TFPI: variants seen among roughly 807,000 people sequenced by gnomAD.
TFPI encodes the protein anti-convertin.
TFPI carries 15 observed loss-of-function variants against 34.6 expected under a neutral mutation model. That is an observed-to-expected ratio of 0.43 (90% CI 0.29 to 0.67). The LOEUF is 0.67. Ranked by LOEUF, TFPI falls within the 30% of genes least tolerant of loss-of-function variation. The pLI is 0.15. For missense variants in TFPI, 301 were observed against 364.0 expected (o/e 0.83, Z 1.41); for synonymous variants, 105 against 120.1 (o/e 0.87, Z 0.82).
At chr2:187,548,011 C>A (rs1217691148) in intron 1 of TFPI, among the ~76,000 whole-genome samples, 1 of 151,938 alleles carries the variant, frequency 6.6e-6, no homozygotes, top group African/African-American at 2.4e-5. Flanking sequence ...TCACATGGTA[C>A]ACTTTTCATA....
intron 1 of TFPI, among the ~76,000 whole-genome samples, chr2:187,541,515 C>T (rs1688581852): frequency 6.6e-6 from 1 of 152,118 alleles, no homozygotes; most frequent in African/African-American, 2.4e-5. Context: ...TCCAGTGGAA[C>T]TATGAAATAA....
chr2:187,552,443 AC>A (rs1446847241), intron 1 of TFPI, among the ~76,000 whole-genome samples: 8 of 152,258 alleles, frequency 5.3e-5, no homozygotes, highest in African/African-American at 1.7e-4. Flanking sequence ...AGAGTTTATT[AC>A]AAAATATGTT....
intron 6 of TFPI, among the ~76,000 whole-genome samples, chr2:187,473,763 A>G (rs1017829025): frequency 6.6e-6 from 1 of 151,712 alleles, no homozygotes; most frequent in Non-Finnish European, 1.5e-5. Context: ...TAAAGAAAAA[A>G]AAAACGGGGA....
intron 6 of TFPI, among the ~76,000 whole-genome samples, chr2:187,476,309 G>A (rs1692374094): frequency 6.6e-6 from 1 of 152,054 alleles, no homozygotes; most frequent in African/African-American, 2.4e-5. Flanking sequence ...TGTGTCCCTA[G>A]AAGAGGCAGA....
In TFPI at chr2:187,488,400, A is replaced by T. The variant is rs773555957; in HGVS notation, c.320-25T>A. Reference sequence around the variant, plus strand: ...TCTGTAATCAAAAGAATATATGCATATCAATTGTCACAATTTATAAAGTAA... The same window carrying T: ...TCTGTAATCAAAAGAATATATGCATTTCAATTGTCACAATTTATAAAGTAA... On this transcript the variant is annotated intron_variant, in intron 3 of 7. Transcript: ENST00000233156. The T allele has an allele frequency of 7.8e-6, 11 of 1,409,750 alleles. No homozygotes were observed. The South Asian group carries it at 1.6e-4, about 20-fold the overall frequency. The allele number at this position is 1,409,750 out of a possible 1,614,324, so 87.3% of individuals were successfully genotyped here.
chr2:187,514,433 A>T (rs1176229073), intron 1 of TFPI: 1 of 152,040 alleles, frequency 6.6e-6, no homozygotes, highest in African/African-American at 2.4e-5. Context: ...CTATATCCGG[A>T]AGTCGAGCAC....
intron 6 of TFPI, 92 bp from the exon 7 acceptor site, chr2:187,468,024 A>T (rs976238777): frequency 6.5e-6 from 7 of 1,084,638 alleles, no homozygotes; most frequent in Non-Finnish European, 8.7e-6. Context: ...ATGTTGTTGC[A>T]TGTGTATGTA....
At chr2:187,533,751 G>C (rs1316328619) in intron 1 of TFPI, among the ~76,000 whole-genome samples, 1 of 152,134 alleles carries the variant, frequency 6.6e-6, no homozygotes, top group African/African-American at 2.4e-5. Context: ...CAGAAGGTGG[G>C]TAATAACAAA....
chr2:187,484,475 G>A (rs1693112261), intron 5 of TFPI: 1 of 498,432 alleles, frequency 2.0e-6, no homozygotes, highest in African/African-American at 2.0e-5. Context: ...ATAAAACTGA[G>A]TGACTTTAGG....
intron 1 of TFPI, among the ~76,000 whole-genome samples, chr2:187,550,477 A>G (rs1689057867): frequency 6.6e-6 from 1 of 152,140 alleles, no homozygotes; most frequent in African/African-American, 2.4e-5. Flanking sequence ...ACTACATCCC[A>G]GAAGAGAGCT....
chr2:187,543,309 C>T (rs1688679236), intron 1 of TFPI, among the ~76,000 whole-genome samples: 1 of 152,180 alleles, frequency 6.6e-6, no homozygotes, highest in Admixed American at 6.5e-5. Context: ...GCACATCCAT[C>T]TACCGAATTT....
intron 6 of TFPI, among the ~76,000 whole-genome samples, chr2:187,483,459 A>G (rs1487177269): frequency 6.6e-6 from 1 of 151,924 alleles, no homozygotes; most frequent in East Asian, 1.9e-4. Context: ...TACACTGGTA[A>G]TTTTTAGCTG....
intron 3 of TFPI, among the ~76,000 whole-genome samples, chr2:187,489,953 A>G (rs1052881270): frequency 6.6e-6 from 1 of 151,600 alleles, no homozygotes; most frequent in African/African-American, 2.4e-5. Context: ...GCATTTATCA[A>G]TGCTTTTTAA....
rs1691737550 is a variant in TFPI at position 187,466,806 on chromosome 2, A to G, written c.*130T>C. On this transcript the variant is annotated 3_prime_UTR_variant, in exon 8 of 8. Transcript: ENST00000233156. Reference sequence around the variant, plus strand: ...ACTCTGATACAAACGTGTTGATAACAAGTACAATAAGCATAGAAAATTTAA... The same window carrying G: ...ACTCTGATACAAACGTGTTGATAACGAGTACAATAAGCATAGAAAATTTAA... 6.0e-6 allele frequency: 3 copies of G among 498,846 alleles called. No homozygotes were observed. The highest frequency in any genetic ancestry group is 8.4e-5 in the Admixed American group (2 of 23,842). The allele number at this position is 498,846 out of a possible 1,614,324, so 30.9% of individuals were successfully genotyped here.
intron 6 of TFPI, among the ~76,000 whole-genome samples, chr2:187,481,927 C>T (rs774373474): frequency 1.3e-5 from 2 of 151,792 alleles, no homozygotes; most frequent in Non-Finnish European, 1.5e-5. Context: ...TAATAATTTA[C>T]TTTTACAAGC....
At chr2:187,478,910 A>G (rs577356943) in intron 6 of TFPI, 1 of 840,058 alleles carries the variant, frequency 1.2e-6, no homozygotes, top group African/African-American at 1.7e-5. Flanking sequence ...ATAGTACATT[A>G]TGTTTTTCTT....
chr2:187,493,031 G>A (rs1431756403), intron 3 of TFPI, among the ~76,000 whole-genome samples: 1 of 152,088 alleles, frequency 6.6e-6, no homozygotes, highest in Non-Finnish European at 1.5e-5. Flanking sequence ...ACTAGGCAGT[G>A]CCCCAGTAGG....
intron 1 of TFPI, chr2:187,529,220 A>G (rs1484844356): frequency 1.3e-5 from 2 of 152,220 alleles, no homozygotes; most frequent in African/African-American, 2.4e-5. Context: ...CAAACAGCCA[A>G]TAAGTCTTAG....
At chr2:187,513,636 GA>G (rs1559135112) in intron 1 of TFPI, 1 of 152,624 alleles carries the variant, frequency 6.6e-6, no homozygotes, top group Non-Finnish European at 1.5e-5. Context: ...TAACCGCTGA[GA>G]CTGCTGTTCC....
Sources: gnomAD v4.1 joint callset for allele counts (sites outside exome capture counted in the v4.1 genomes callset) on GRCh38, gnomAD v4.1.1 for gene constraint, MANE v1.5 for transcripts, NCBI Gene and HGNC (gene_info 2026-07-23, HGNC 2026-07-21) for gene names.